Variants in TAOK1 observed in about 807,000 individuals in gnomAD.
TAOK1 encodes the protein TAO kinase 1.
Under a neutral mutation model 138.3 loss-of-function variants are expected in TAOK1, and 21 were observed. The ratio of observed to expected loss-of-function variants is 0.15; its 90% CI spans 0.11 to 0.22. The LOEUF (loss-of-function observed/expected upper bound fraction) is 0.22, where lower values mean the gene tolerates loss of function less well. TAOK1 is among the 10% of genes least tolerant of loss of function. The pLI, the probability that TAOK1 is intolerant of heterozygous loss-of-function variation, is 1.00. For missense variants in TAOK1, 651 were observed against 1,227.7 expected (o/e 0.53, Z 7.02); for synonymous variants, 361 against 398.4 (o/e 0.91, Z 1.12).
At chr17:29,476,882 G>A (rs2030956845) in intron 4 of TAOK1, among the ~76,000 whole-genome samples, 1 of 151,812 alleles carries the variant, frequency 6.6e-6, no homozygotes, top group Non-Finnish European at 1.5e-5. Flanking sequence ...GTCTCACTCT[G>A]TCGCCCAGGC....
At chr17:29,494,909 A>T (rs2031382939) in intron 10 of TAOK1, among the ~76,000 whole-genome samples, 1 of 152,076 alleles carries the variant, frequency 6.6e-6, no homozygotes. Flanking sequence ...TGGAATTTAC[A>T]TGCTAACTAT....
In TAOK1 at chr17:29,544,086, T is replaced by C. The variant is rs1032826839; in HGVS notation, c.*1064T>C. 1 of 152,678 alleles carries C rather than the reference T, an allele frequency of 6.5e-6. No homozygotes were observed. Among genetic ancestry groups the C allele is most frequent in the Admixed American group, 6.5e-5 (1 of 15,284 alleles). The allele number at this position is 152,678 out of a possible 1,614,324, so 9.5% of individuals were successfully genotyped here. On this transcript the variant is annotated 3_prime_UTR_variant, in exon 20 of 20. Coordinates refer to ENST00000261716, the MANE Select transcript of TAOK1 (RefSeq NM_020791.4). ...AATACAAATCAAATGCCGGAGGTGT[T>C]TGATGCCATATTTGCAAATTGCCAT... is the stretch of plus-strand genomic sequence containing the variant.
In TAOK1 at chr17:29,483,846, G is replaced by T. The variant is rs2031113827; in HGVS notation, c.655+1558G>T. Among the ~76,000 whole-genome samples, 5 of 152,218 alleles carry T rather than the reference G, an allele frequency of 3.3e-5. No homozygotes were observed. The South Asian group carries it at 1.0e-3, about 32-fold the overall frequency. ...CTCTAATCTCTATTCTTTTACCTAT[G>T]ATTCTTTTTCCTACCCATAGGTCCT... On this transcript the variant is annotated intron_variant, in intron 8 of 19. Coordinates refer to ENST00000261716, the MANE Select transcript of TAOK1 (RefSeq NM_020791.4).
At chr17:29,404,685 G>A (rs2153020426) in intron 1 of TAOK1, among the ~76,000 whole-genome samples, 1 of 152,170 alleles carries the variant, frequency 6.6e-6, no homozygotes, top group Middle Eastern at 3.4e-3. Context: ...AGCTACTCAG[G>A]AGGCTGAGGC....
intron 1 of TAOK1, among the ~76,000 whole-genome samples, chr17:29,409,460 G>A (rs1567710254): frequency 6.7e-6 from 1 of 150,284 alleles, no homozygotes; most frequent in Admixed American, 6.7e-5. Context: ...TCAGCCTCTC[G>A]AGTAGCTGGG....
At chr17:29,525,338 C>T (rs1804637985) in intron 17 of TAOK1, among the ~76,000 whole-genome samples, 1 of 152,046 alleles carries the variant, frequency 6.6e-6, no homozygotes, top group South Asian at 2.1e-4. Context: ...GTCTCAAACT[C>T]CTGACCTCGT....
At chr17:29,538,968 A>C (rs1317011914) in intron 19 of TAOK1, among the ~76,000 whole-genome samples, 2 of 152,170 alleles carry the variant, frequency 1.3e-5, no homozygotes, top group East Asian at 3.8e-4. Flanking sequence ...GTAAGAATTA[A>C]AATTTGGGGG....
chr17:29,394,381 G>A (rs1000489065), intron 1 of TAOK1, among the ~76,000 whole-genome samples: 1 of 151,826 alleles, frequency 6.6e-6, no homozygotes, highest in African/African-American at 2.4e-5. Context: ...TAGCCAGGAT[G>A]GTCTCGATCT....
intron 1 of TAOK1, among the ~76,000 whole-genome samples, chr17:29,444,046 C>A (rs1309416072): frequency 6.6e-6 from 1 of 151,246 alleles, no homozygotes; most frequent in Non-Finnish European, 1.5e-5. Flanking sequence ...GCTCGGGAGA[C>A]AGAGGTTGCA....
chr17:29,428,017 GCT>G lies in TAOK1; in HGVS notation c.-94-23436_-94-23435del, dbSNP rs1269938056. ...GGAAGGCTGAAGAGAGTCTAGGATA[GCT>G]CCTGGGGTCTTGATACAAGGAATGA... On this transcript the variant is annotated intron_variant, in intron 1 of 19. Transcript: ENST00000261716. Among the ~76,000 whole-genome samples, 3 of 152,016 alleles carry G rather than the reference GCT, an allele frequency of 2.0e-5. No homozygotes were observed. The South Asian group carries it at 6.2e-4, about 31-fold the overall frequency.
intron 2 of TAOK1, among the ~76,000 whole-genome samples, chr17:29,463,385 C>T (rs894405384): frequency 1.9e-4 from 29 of 152,042 alleles, no homozygotes; most frequent in African/African-American, 4.6e-4. Flanking sequence ...GCCTGGCCAA[C>T]GTGGCGAAAC....
At chr17:29,464,512 A>T (rs965917219) in intron 2 of TAOK1, among the ~76,000 whole-genome samples, 1 of 152,094 alleles carries the variant, frequency 6.6e-6, no homozygotes, top group Non-Finnish European at 1.5e-5. Flanking sequence ...ATATCTGCTA[A>T]TGTACTAAAG....
chr17:29,511,547 T>C (rs1598515197), intron 15 of TAOK1: 1 of 152,084 alleles, frequency 6.6e-6, no homozygotes, highest in Admixed American at 6.6e-5. Context: ...TATGTTTTTA[T>C]TTTTTGTGTG....
chr17:29,503,395 C>CAAAA (rs5819870), intron 13 of TAOK1, among the ~76,000 whole-genome samples: 18 of 84,942 alleles, frequency 2.1e-4, no homozygotes, highest in African/African-American at 6.3e-4. Context: ...GACTCTGTCT[C>CAAAA]AAAAAAAAAA....
At chr17:29,464,459 G>GA (rs79830449) in intron 2 of TAOK1, among the ~76,000 whole-genome samples, 91 of 141,610 alleles carry the variant, frequency 6.4e-4, no homozygotes, top group African/African-American at 1.9e-3. Context: ...AAAAAAAAAA[G>GA]AAAAAAAAAA....
intron 15 of TAOK1, among the ~76,000 whole-genome samples, chr17:29,515,910 CAATT>C (rs891533053): frequency 1.3e-5 from 2 of 152,124 alleles, no homozygotes; most frequent in South Asian, 4.1e-4. Flanking sequence ...AGAAAAAACA[CAATT>C]AAGAACTTTT....
intron 14 of TAOK1, among the ~76,000 whole-genome samples, chr17:29,508,960 T>C (rs1283556096): frequency 2.0e-5 from 3 of 152,136 alleles, no homozygotes; most frequent in Non-Finnish European, 4.4e-5. Context: ...CATTAAAATA[T>C]GTCCAGGTAG....
intron 3 of TAOK1, among the ~76,000 whole-genome samples, chr17:29,468,837 C>T (rs2030745191): frequency 6.6e-6 from 1 of 152,196 alleles, no homozygotes; most frequent in Non-Finnish European, 1.5e-5. Flanking sequence ...GCGTGAGCCA[C>T]CGCACCTAGC....
intron 19 of TAOK1, among the ~76,000 whole-genome samples, chr17:29,542,111 T>G (rs558936677): frequency 2.6e-5 from 4 of 152,198 alleles, no homozygotes; most frequent in Non-Finnish European, 4.4e-5. Flanking sequence ...TCTCCTGACC[T>G]CATGATCCGC....
Sources: gnomAD v4.1 joint callset for allele counts (sites outside exome capture counted in the v4.1 genomes callset) on GRCh38, gnomAD v4.1.1 for gene constraint, MANE v1.5 for transcripts, NCBI Gene and HGNC (gene_info 2026-07-23, HGNC 2026-07-21) for gene names.